Variants in ZNF480 observed in about 807,000 individuals in gnomAD.
ZNF480 encodes the protein zinc finger protein 480.
Under a neutral mutation model 14.4 loss-of-function variants are expected in ZNF480, and 15 were observed. That is an observed-to-expected ratio of 1.04 (90% CI 0.70 to 1.60). The LOEUF is 1.60. Among genes scored for constraint, ZNF480 ranks in the 40% most tolerant of loss-of-function variants. The pLI is 0.00. For missense variants in ZNF480, 593 were observed against 629.7 expected (o/e 0.94, Z 0.62); for synonymous variants, 218 against 215.5 (o/e 1.01, Z -0.10).
rs1013453608 is a variant in ZNF480 at position 52,316,954 on chromosome 19, T to G, written c.328+992T>G. Among the ~76,000 whole-genome samples, 4 of 152,236 alleles carry G rather than the reference T, an allele frequency of 2.6e-5. No individual in the cohort carries two copies. The South Asian group carries it at 8.3e-4, about 32-fold the overall frequency. ...GTTTGTTTAACTATTCATCCATTGG[T>G]GGACACCTGCATTGCGCCCACCTTT... On this transcript the variant is annotated intron_variant, in intron 4 of 4. Coordinates refer to ENST00000595962, the MANE Select transcript of ZNF480 (RefSeq NM_144684.4).
Position 52,321,634 on chromosome 19 carries a change from T to G in ZNF480, c.384T>G (p.Leu128=), listed in dbSNP as rs145970025. The change falls in exon 5 of 5, where the codon CTT becomes CTG. Residue 128 remains leucine, a synonymous_variant. Coordinates refer to ENST00000595962, the MANE Select transcript of ZNF480 (RefSeq NM_144684.4). ...NAEDKPIKKQ[L]GVSFHLHLSE... Reference sequence around the variant, plus strand: ...AAGACAAACCAATTAAAAAACAACTTGGAGTATCCTTTCACTTACATCTGT... The same window carrying G: ...AAGACAAACCAATTAAAAAACAACTGGGAGTATCCTTTCACTTACATCTGT... 2.5e-3 allele frequency: 3,980 copies of G among 1,610,092 alleles called. 12 individuals are homozygous for G. Among genetic ancestry groups the G allele is most frequent in the Non-Finnish European group, 3.1e-3 (3,637 of 1,177,428 alleles).
chr19:52,315,524 TTGGTCAGGC>T (rs887515997), intron 3 of ZNF480, among the ~76,000 whole-genome samples: 8 of 151,918 alleles, frequency 5.3e-5, no homozygotes, highest in Admixed American at 5.3e-4. Context: ...TTTCTCTGTG[TTGGTCAGGC>T]TGATCTCGAA....
chr19:52,298,104 A>G (rs769918155), intron 1 of ZNF480, among the ~76,000 whole-genome samples: 1 of 151,906 alleles, frequency 6.6e-6, no homozygotes, highest in Admixed American at 6.6e-5. Flanking sequence ...GAGGGGCAGC[A>G]AAGTGGGAAG....
At chr19:52,298,508 G>T (rs1235495574) in intron 1 of ZNF480, among the ~76,000 whole-genome samples, 2 of 152,218 alleles carry the variant, frequency 1.3e-5, no homozygotes, top group East Asian at 3.9e-4. Context: ...GCGCGCGCGT[G>T]TAATCCCAGC....
intron 2 of ZNF480, among the ~76,000 whole-genome samples, chr19:52,312,164 TTGACAGA>T (rs1202625103): frequency 3.3e-5 from 5 of 151,704 alleles, no homozygotes; most frequent in African/African-American, 1.2e-4. Flanking sequence ...TTTTTTTTTT[TTGACAGA>T]GTCTCTGTTT....
Position 52,324,602 on chromosome 19 carries a change from A to G in ZNF480, c.*1744A>G, listed in dbSNP as rs758951303. 1 of 152,204 alleles carries G rather than the reference A, an allele frequency of 6.6e-6. No individual in the cohort carries two copies. The highest frequency in any genetic ancestry group is 2.4e-5 in the African/African-American group (1 of 41,454). 9.4% of individuals were successfully genotyped at this position (152,204 alleles called of 1,614,324 possible). A position where few individuals can be genotyped will look rare whatever the true frequency, so the allele number is the denominator to read the frequency against. On this transcript the variant is annotated 3_prime_UTR_variant, in exon 5 of 5. Transcript: ENST00000595962. ...GGTATAAAAAAAGACACATAGATCA[A>G]TGGAATAGGTAAGAGAACCCAGAAA...
chr19:52,314,008 C>G lies in ZNF480; in HGVS notation c.73-145C>G, dbSNP rs187524272. On this transcript the variant is annotated intron_variant, in intron 2 of 4. Transcript: ENST00000595962. ...AAAAGAAAAAAAACACATTTACAGA[C>G]ACATAACTACATCACAGATACCTTA... The G allele has an allele frequency of 3.0e-4, 266 of 900,092 alleles. 3 individuals carry two copies. The highest frequency in any genetic ancestry group is 6.4e-5 in the Non-Finnish European group (40 of 627,082). 55.8% of individuals were successfully genotyped at this position (900,092 alleles called of 1,614,324 possible).
chr19:52,307,003 C>A (rs916799437), intron 2 of ZNF480, among the ~76,000 whole-genome samples: 10 of 152,082 alleles, frequency 6.6e-5, no homozygotes, highest in African/African-American at 2.4e-4. Context: ...GGCAAGGAAA[C>A]CTTCTCTGTC....
chr19:52,301,434 T>G (rs945777883), intron 2 of ZNF480: 2 of 152,194 alleles, frequency 1.3e-5, no homozygotes, highest in African/African-American at 4.8e-5. Flanking sequence ...TCTTAACTCT[T>G]TCCTACTCAT....
Position 52,325,243 on chromosome 19 carries a change from T to C in ZNF480, c.*2385T>C, listed in dbSNP as rs1984040400. ...CTCAGACCTGTCTGAATGGGTATTATCAGAATGGGTATTATTAAAAAATCA... is the reference window on the plus strand; with the variant it reads ...CTCAGACCTGTCTGAATGGGTATTACCAGAATGGGTATTATTAAAAAATCA... On this transcript the variant is annotated 3_prime_UTR_variant, in exon 5 of 5. Coordinates refer to ENST00000595962, the MANE Select transcript of ZNF480 (RefSeq NM_144684.4). 1 of 152,184 alleles carries C rather than the reference T, an allele frequency of 6.6e-6. No homozygotes were observed. The allele number at this position is 152,184 out of a possible 1,614,324, so 9.4% of individuals were successfully genotyped here.
chr19:52,310,581 G>C (rs1190148266), intron 2 of ZNF480, among the ~76,000 whole-genome samples: 2 of 151,940 alleles, frequency 1.3e-5, no homozygotes, highest in Non-Finnish European at 2.9e-5. Flanking sequence ...TAAAGTCAAG[G>C]AAATGTCTGC....
In ZNF480 at chr19:52,300,493, A is replaced by G. The variant is rs1484420067; in HGVS notation, c.72+9A>G. On this transcript the variant is annotated intron_variant, in intron 2 of 4. Coordinates refer to ENST00000595962, the MANE Select transcript of ZNF480 (RefSeq NM_144684.4). ...GGATGGCTCTTCCTCAGGTGAGATG[A>G]TATTCTCGGTGGATTGTTCTGTCTC... 3.7e-6 allele frequency: 6 copies of G among 1,610,418 alleles called. No individual in the cohort carries two copies. The highest frequency in any genetic ancestry group is 1.7e-5 in the Admixed American group (1 of 60,016).
At position 52,321,951 on chromosome 19, in the gene ZNF480, A is replaced by C; in HGVS notation, c.701A>C (p.Asn234Thr). 2 of 1,612,462 alleles carry C rather than the reference A, an allele frequency of 1.2e-6. No homozygotes were observed. The highest frequency in any genetic ancestry group is 8.5e-7 in the Non-Finnish European group (1 of 1,178,648). ...ACTGTAGAGAAACCTTACAAATGTA[A>C]TTCATGCGGCAAGGTCTTTAGTCGC... ...IHTVEKPYKC[N>T]SCGKVFSRNS... Residue 234 changes from asparagine to threonine, a missense_variant, in exon 5 of 5, where the codon AAT (asparagine) becomes ACT (threonine). Coordinates refer to ENST00000595962, the MANE Select transcript of ZNF480 (RefSeq NM_144684.4).
chr19:52,303,318 T>C (rs1982784058), intron 2 of ZNF480, among the ~76,000 whole-genome samples: 1 of 152,178 alleles, frequency 6.6e-6, no homozygotes, highest in South Asian at 2.1e-4. Flanking sequence ...TGAAATAATT[T>C]TGTTTTTGGA....
intron 1 of ZNF480, among the ~76,000 whole-genome samples, chr19:52,298,191 C>T (rs1366416190): frequency 6.6e-6 from 1 of 151,488 alleles, no homozygotes; most frequent in East Asian, 2.0e-4. Context: ...GCTGGGACAG[C>T]AAGAGGAGTC....
chr19:52,299,011 A>T (rs1456933036), intron 1 of ZNF480, among the ~76,000 whole-genome samples: 1 of 151,390 alleles, frequency 6.6e-6, no homozygotes, highest in African/African-American at 2.4e-5. Flanking sequence ...AATATACTTT[A>T]AAAATACAGA....
Position 52,325,808 on chromosome 19 carries a change from G to C in ZNF480, c.*2950G>C, listed in dbSNP as rs904999099. 1 of 152,178 alleles carries C rather than the reference G, an allele frequency of 6.6e-6. No individual in the cohort carries two copies. The highest frequency in any genetic ancestry group is 2.4e-5 in the African/African-American group (1 of 41,434). 9.4% of individuals were successfully genotyped at this position (152,178 alleles called of 1,614,324 possible). On this transcript the variant is annotated 3_prime_UTR_variant, in exon 5 of 5. Coordinates refer to ENST00000595962, the MANE Select transcript of ZNF480 (RefSeq NM_144684.4). ...TGAAGATTGAATAACTGCCTGTTGGGTACTATGCTGATTACCTGGGGACAA... is the reference window on the plus strand; with the variant it reads ...TGAAGATTGAATAACTGCCTGTTGGCTACTATGCTGATTACCTGGGGACAA...
At chr19:52,303,823 T>A (rs947900855) in intron 2 of ZNF480, among the ~76,000 whole-genome samples, 3 of 152,206 alleles carry the variant, frequency 2.0e-5, no homozygotes, top group African/African-American at 7.2e-5. Context: ...CCCTTAGTAA[T>A]TTTTGAAAGT....
At chr19:52,302,895 C>T (rs182967385) in intron 2 of ZNF480, among the ~76,000 whole-genome samples, 19 of 152,234 alleles carry the variant, frequency 1.2e-4, no homozygotes, top group Admixed American at 3.9e-4. Flanking sequence ...AGCAACTAGG[C>T]GATCAGCCAT....
Sources: gnomAD v4.1 joint callset for allele counts (sites outside exome capture counted in the v4.1 genomes callset) on GRCh38, gnomAD v4.1.1 for gene constraint, MANE v1.5 for transcripts, NCBI Gene and HGNC (gene_info 2026-07-23, HGNC 2026-07-21) for gene names.